The following MEP1A variants were observed in gnomAD, a reference collection of about 807,000 sequenced individuals.
The protein encoded by MEP1A is N-benzoyl-L-tyrosyl-P-amino-benzoic acid hydrolase subunit alpha.
A neutral mutation model predicts 84.5 loss-of-function variants in MEP1A; 68 were observed. That is an observed-to-expected ratio of 0.80 (90% CI 0.66 to 0.98). MEP1A has a LOEUF of 0.98. MEP1A is among the 50% of genes least tolerant of loss of function. The probability of loss-of-function intolerance (pLI) is 0.00; values close to 1 mark genes in which losing one functional copy is unlikely to be tolerated. For synonymous variants in MEP1A, 337 were observed against 336.8 expected (o/e 1.00, Z -0.01); for missense variants, 887 against 919.9 (o/e 0.96, Z 0.46).
intron 13 of MEP1A, among the ~76,000 whole-genome samples, chr6:46,838,601 T>G (rs1381506171): frequency 6.6e-6 from 1 of 152,218 alleles, no homozygotes; most frequent in African/African-American, 2.4e-5. Context: ...TCTCAGCCAG[T>G]GTCAGGCAAT....
chr6:46,809,070 G>A (rs1264319957), intron 5 of MEP1A, among the ~76,000 whole-genome samples: 2 of 152,020 alleles, frequency 1.3e-5, no homozygotes, highest in Non-Finnish European at 2.9e-5. Flanking sequence ...CTCTCCTGAG[G>A]CAATGCACTC....
At chr6:46,845,488 C>T in the MEP1A span, among the ~76,000 whole-genome samples, 8 of 152,186 alleles carry the variant, frequency 5.3e-5, no homozygotes, top group South Asian at 4.1e-4. Flanking sequence ...TTATTTTGAA[C>T]GTCTGGTACT....
At position 46,809,525 on chromosome 6, in the gene MEP1A, A is replaced by C. The variant is rs764250325; in HGVS notation, c.368A>C (p.Gln123Pro). 3.8e-6 allele frequency: 6 copies of C among 1,599,228 alleles called. No individual in the cohort carries two copies. Among genetic ancestry groups the C allele is most frequent in the Non-Finnish European group, 5.1e-6 (6 of 1,169,996 alleles). Residue 123 changes from glutamine to proline, a missense_variant, in exon 6 of 14, where the codon CAA becomes CCA. Physicochemically the swap from Gln to Pro is moderately conservative, Grantham distance 76. Coordinates refer to ENST00000230588, the MANE Select transcript of MEP1A (RefSeq NM_005588.3). ...YEGESSYIIF[Q>P]QFDGCWSEVG... ...GGAGAGAGCTCATATATCATATTTC[A>C]ACAGTTTGATGGGTTGGTATGAAAT...
intron 10 of MEP1A, among the ~76,000 whole-genome samples, chr6:46,830,710 C>T (rs1208753400): frequency 6.6e-6 from 1 of 152,080 alleles, no homozygotes; most frequent in African/African-American, 2.4e-5. Flanking sequence ...AAGAAGAAAC[C>T]TTCCTTAGAG....
intron 2 of MEP1A, 32 bp downstream of exon 2, chr6:46,793,608 T>C (rs371401494): frequency 2.6e-6 from 4 of 1,566,642 alleles, no homozygotes; most frequent in Non-Finnish European, 3.5e-6. Context: ...CAGAGAGTGT[T>C]TTTGAACTTT....
At chr6:46,826,602 C>T in intron 9 of MEP1A, 99 bp downstream of exon 9, 1 of 1,088,202 alleles carries the variant, frequency 9.2e-7, no homozygotes. Flanking sequence ...TGTTAGTTAT[C>T]AAACTTGAAA....
At position 46,839,172 on chromosome 6, in the gene MEP1A, C is replaced by A. The variant is rs139814077; in HGVS notation, c.*36C>A. 1.9e-3 allele frequency: 3,038 copies of A among 1,590,646 alleles called. 51 individuals carry two copies. In the African/African-American group the frequency reaches 0.035, roughly 18 times the overall value. ...GGCATTGGCCAGACCACAGCAGCACCTCCTCCATGCAGGCCTTAACTTTCC... is the reference window on the plus strand; with the variant it reads ...GGCATTGGCCAGACCACAGCAGCACATCCTCCATGCAGGCCTTAACTTTCC... On this transcript the variant is annotated 3_prime_UTR_variant, in exon 14 of 14. Coordinates refer to ENST00000230588, the MANE Select transcript of MEP1A (RefSeq NM_005588.3).
intron 7 of MEP1A, among the ~76,000 whole-genome samples, chr6:46,824,773 G>A (rs12175097): frequency 0.015 from 561 of 37,116 alleles, 16 homozygotes; most frequent in African/African-American, 0.041. Flanking sequence ...TATAAATTAT[G>A]TATTTAAATA....
Position 46,819,521 on chromosome 6 carries a change from CTTT to C in MEP1A, c.381-7_381-5del. The C allele has an allele frequency of 6.3e-7, 1 of 1,595,898 alleles. No homozygotes were observed. Among genetic ancestry groups the C allele is most frequent in the South Asian group, 1.1e-5 (1 of 88,808 alleles). ...TAGAAGAAATTTTTCCTCTTCTCCT[CTTT>C]AAAGGTGCTGGTCTGAGGTTGGTGA... is the stretch of plus-strand genomic sequence containing the variant. On this transcript the variant is annotated splice_region_variant and splice_polypyrimidine_tract_variant and intron_variant, in intron 6 of 13. Coordinates refer to ENST00000230588, the MANE Select transcript of MEP1A (RefSeq NM_005588.3).
Position 46,799,150 on chromosome 6 carries a change from C to T in MEP1A, c.231C>T (p.Phe77=). The T allele has an allele frequency of 5.0e-6, 8 of 1,612,726 alleles. No homozygotes were observed. Among genetic ancestry groups the T allele is most frequent in the Non-Finnish European group, 6.8e-6 (8 of 1,178,746 alleles). ...GAGACCCAAACACCAGGTGGACGTT[C>T]CCCATTCCTTACATCTTGGCTGATA... The part of the protein sequence containing the change: ...GLRDPNTRWT[F]PIPYILADNL... The change falls in exon 5 of 14, where the codon TTC becomes TTT. Residue 77 remains phenylalanine (F), a synonymous_variant. Transcript: ENST00000230588.
chr6:46,844,760 G>A (rs905040596), downstream of MEP1A, among the ~76,000 whole-genome samples: 7 of 152,158 alleles, frequency 4.6e-5, no homozygotes, highest in African/African-American at 1.7e-4. Flanking sequence ...GCTACTCAGA[G>A]TCTAGTTTAC....
intron 11 of MEP1A, among the ~76,000 whole-genome samples, chr6:46,833,858 TTATCAAA>T (rs1768136818): frequency 6.6e-6 from 1 of 152,162 alleles, no homozygotes; most frequent in Non-Finnish European, 1.5e-5. Flanking sequence ...TGCTAATCAT[TTATCAAA>T]TACTTGGAAC....
At chr6:46,840,639 T>A (rs1274561487), downstream of MEP1A, among the ~76,000 whole-genome samples, 1 of 152,236 alleles carries the variant, frequency 6.6e-6, no homozygotes, top group African/African-American at 2.4e-5. Context: ...AAGCTCTTGA[T>A]CTTAGTTTAC....
the MEP1A span, among the ~76,000 whole-genome samples, chr6:46,845,012 T>G: frequency 4.6e-5 from 7 of 152,348 alleles, no homozygotes; most frequent in East Asian, 1.4e-3. Context: ...TGCTACCATG[T>G]AAGACGTGCC....
chr6:46,833,233 T>A lies in MEP1A; in HGVS notation c.1304T>A (p.Val435Asp), dbSNP rs1768117090. 5 of 1,613,964 alleles carry A rather than the reference T, an allele frequency of 3.1e-6. No individual in the cohort carries two copies. Among genetic ancestry groups the A allele is most frequent in the Non-Finnish European group, 4.2e-6 (5 of 1,179,964 alleles). The change falls in exon 11 of 14, where the codon GTC (valine) becomes GAC (aspartate). Residue 435 changes from valine to aspartate, a missense_variant. Val to Asp is a radical substitution (Grantham distance 152). Coordinates refer to ENST00000230588, the MANE Select transcript of MEP1A (RefSeq NM_005588.3). ...TLTETPCPTG[V>D]WTVRNFSQVL... is the part of the protein sequence containing the mutation. ...ACAGAAACCCCCTGCCCCACAGGGG[T>A]CTGGACAGTCCGGAATTTCTCCCAA...
At chr6:46,819,293 T>C (rs1767711601) in intron 6 of MEP1A, among the ~76,000 whole-genome samples, 1 of 152,196 alleles carries the variant, frequency 6.6e-6, no homozygotes, top group Non-Finnish European at 1.5e-5. Context: ...TCTGAGTATG[T>C]GCCACTTTTA....
At position 46,835,283 on chromosome 6, in the gene MEP1A, T is replaced by A. The variant is rs528121212; in HGVS notation, c.1818T>A (p.Thr606=). 5 of 1,603,572 alleles carry A rather than the reference T, an allele frequency of 3.1e-6. No homozygotes were observed. The Admixed American group carries it at 8.5e-5, about 27-fold the overall frequency. Reference sequence around the variant, plus strand: ...ACCTCAGCCAGACTGAAGTTCCCACTAAAGGCAAAAGACTGAGCCCCCAAG... The same window carrying A: ...ACCTCAGCCAGACTGAAGTTCCCACAAAAGGCAAAAGACTGAGCCCCCAAG... ...ITHLSQTEVP[T]KGKRLSPQGL... Residue 606 remains threonine, a synonymous_variant, in exon 13 of 14, where the codon ACT becomes ACA. Transcript: ENST00000230588.
intron 3 of MEP1A, among the ~76,000 whole-genome samples, chr6:46,794,148 T>C (rs1157589324): frequency 2.0e-5 from 3 of 152,158 alleles, no homozygotes; most frequent in Non-Finnish European, 2.9e-5. Context: ...GGGGTGAGTG[T>C]AAAGCAATCT....
At chr6:46,812,646 A>C (rs989791522) in intron 6 of MEP1A, among the ~76,000 whole-genome samples, 3 of 152,112 alleles carry the variant, frequency 2.0e-5, no homozygotes, top group African/African-American at 4.8e-5. Flanking sequence ...TATATCCCAG[A>C]GGTTTTGATA....
Sources: gnomAD v4.1 joint callset for allele counts (sites outside exome capture counted in the v4.1 genomes callset) on GRCh38, gnomAD v4.1.1 for gene constraint, MANE v1.5 for transcripts, NCBI Gene and HGNC (gene_info 2026-07-23, HGNC 2026-07-21) for gene names.